The following INPP5E variants were observed in gnomAD, a reference collection of about 807,000 sequenced individuals.
The protein encoded by INPP5E is inositol polyphosphate-5-phosphatase E, also known as phosphatidylinositol polyphosphate 5-phosphatase type IV.
A neutral mutation model predicts 50.5 loss-of-function variants in INPP5E; 34 were observed. That is an observed-to-expected ratio of 0.67 (90% CI 0.51 to 0.90). The LOEUF is 0.90. INPP5E is among the 40% of genes least tolerant of loss of function. INPP5E has a pLI of 0.00. For synonymous variants in INPP5E, 447 were observed against 406.0 expected (o/e 1.10, Z -1.21); for missense variants, 942 against 905.5 (o/e 1.04, Z -0.52).
rs750641489 is a variant in INPP5E at position 136,434,782 on chromosome 9, GT to G, written c.893del (p.Asn298ThrfsTer96). The G allele has an allele frequency of 6.4e-7, 1 of 1,566,166 alleles. No homozygotes were observed. The highest frequency in any genetic ancestry group is 1.4e-5 in the African/African-American group (1 of 73,154). ...TCCAGGTGGCCACGAAGAGTGCCAC[GT>G]TCCGGTCTGGGAAGTAGCGGGCCAG... Reference protein sequence around the residue: ...DELARYFPDRNVALFVATWNM... With the variant: ...DELARYFPDRXVALFVATWNM... On this transcript the variant is annotated frameshift_variant, in exon 2 of 10. Transcript: ENST00000371712. LOFTEE classifies it high-confidence loss of function.
At position 136,434,847 on chromosome 9, in the gene INPP5E, TGCC is replaced by T; in HGVS notation, c.826_828del (p.Gly276del). 1 of 1,609,580 alleles carries T rather than the reference TGCC, an allele frequency of 6.2e-7. No individual in the cohort carries two copies. The highest frequency in any genetic ancestry group is 1.1e-5 in the South Asian group (1 of 90,304). On this transcript the variant is annotated inframe_deletion, in exon 2 of 10. Coordinates refer to ENST00000371712, the MANE Select transcript of INPP5E (RefSeq NM_019892.6). ...AACAGGGCCCCGCTGGCCAGGAGGCTGCCCTCCAGGTAACTCCTGTGACGGGAG... is the reference window on the plus strand; with the variant it reads ...AACAGGGCCCCGCTGGCCAGGAGGCTCTCCAGGTAACTCCTGTGACGGGAG...
At chr9:136,432,798 G>A (rs1359289150) in intron 5 of INPP5E, among the ~76,000 whole-genome samples, 158 bp downstream of exon 5, 1 of 152,202 alleles carries the variant, frequency 6.6e-6, no homozygotes, top group Non-Finnish European at 1.5e-5. Context: ...GGTCTGCCGG[G>A]GGTCCTTGGC....
In INPP5E at chr9:136,434,670, G is replaced by A. The variant is rs531539383; in HGVS notation, c.936+70C>T. ...CCAGGATGAGGCACAGAGCTGCCCC[G>A]TCCCCCTCACCCGCCTTTGTCCAGC... is the stretch of plus-strand genomic sequence containing the variant. On this transcript the variant is annotated intron_variant, in intron 2 of 9. Transcript: ENST00000371712. 2.7e-4 allele frequency: 413 copies of A among 1,546,066 alleles called. 1 individual carries two copies. Among genetic ancestry groups the A allele is most frequent in the South Asian group, 8.6e-4 (72 of 84,148 alleles).
Position 136,429,260 on chromosome 9 carries a change from CAGAT to C in INPP5E, c.*411_*414del. 1 of 323,588 alleles carries C rather than the reference CAGAT, an allele frequency of 3.1e-6. No homozygotes were observed. Among genetic ancestry groups the C allele is most frequent in the Non-Finnish European group, 6.1e-6 (1 of 164,554 alleles). The allele number at this position is 323,588 out of a possible 1,614,324, so 20.0% of individuals were successfully genotyped here. On this transcript the variant is annotated 3_prime_UTR_variant, in exon 10 of 10. Coordinates refer to ENST00000371712, the MANE Select transcript of INPP5E (RefSeq NM_019892.6). ...TGTTTGAGGGGCTGCCAGGAGGACA[CAGAT>C]GGACGCCTGCTTCGGGTGTGGAGGG... is the stretch of plus-strand genomic sequence containing the variant.
intron 8 of INPP5E, among the ~76,000 whole-genome samples, chr9:136,430,672 T>C (rs1835678882): frequency 6.6e-6 from 1 of 152,112 alleles, no homozygotes; most frequent in African/African-American, 2.4e-5. Context: ...CCAGCAGATA[T>C]CCAGATATCG....
chr9:136,439,192 G>C lies in INPP5E; in HGVS notation c.228C>G (p.Ala76=), dbSNP rs1311827138. 1 of 1,547,000 alleles carries C rather than the reference G, an allele frequency of 6.5e-7. No homozygotes were observed. The highest frequency in any genetic ancestry group is 2.4e-5 in the East Asian group (1 of 41,628). The change falls in exon 1 of 10, where the codon GCC becomes GCG. Residue 76 remains alanine, a synonymous_variant. Transcript: ENST00000371712. ...ACAGGGCTCGCTCCAGTCGAGGCCT[G>C]GCGGGGGGCCGCGGGGCGATGGGTG... The part of the protein sequence containing the change: ...RAAPIAPRPP[A]RPRLERALSL...
At position 136,432,971 on chromosome 9, in the gene INPP5E, T is replaced by C. The variant is rs1356146470; in HGVS notation, c.1264A>G (p.Thr422Ala). ...TFFGTSFLFI[T>A]SHFTSGDGKV... ...AGCAACTTACAGGTGAAGTGGGACGTGATGAAGAGGAAGGAAGTGCCAAAA... is the reference window on the plus strand; with the variant it reads ...AGCAACTTACAGGTGAAGTGGGACGCGATGAAGAGGAAGGAAGTGCCAAAA... Residue 422 changes from threonine (T) to alanine (A), a missense_variant, in exon 5 of 10, where the codon ACG becomes GCG. Coordinates refer to ENST00000371712, the MANE Select transcript of INPP5E (RefSeq NM_019892.6). 1.2e-6 allele frequency: 2 copies of C among 1,613,200 alleles called. No individual in the cohort carries two copies. Among genetic ancestry groups the C allele is most frequent in the Non-Finnish European group, 1.7e-6 (2 of 1,179,766 alleles).
Position 136,439,665 on chromosome 9 carries a change from A to G in INPP5E, c.-246T>C, listed in dbSNP as rs1223410310. 3.4e-5 allele frequency: 11 copies of G among 327,734 alleles called. No individual in the cohort carries two copies. The highest frequency in any genetic ancestry group is 2.5e-4 in the Admixed American group (5 of 20,300). 20.3% of individuals were successfully genotyped at this position (327,734 alleles called of 1,614,324 possible). On this transcript the variant is annotated 5_prime_UTR_variant, in exon 1 of 10. Transcript: ENST00000371712. Reference sequence around the variant, plus strand: ...GTCCGCAGGCAAGGCCTGGGGGAACAGGCGGCTGGGCGCCTGTCGCGGGGG... The same window carrying G: ...GTCCGCAGGCAAGGCCTGGGGGAACGGGCGGCTGGGCGCCTGTCGCGGGGG...
At chr9:136,432,129 C>T (rs1244981069) in intron 6 of INPP5E, 144 bp from the exon 7 acceptor site, 12 of 1,000,224 alleles carry the variant, frequency 1.2e-5, no homozygotes, top group Non-Finnish European at 1.5e-5. Flanking sequence ...GGGTGGGATT[C>T]GCACTGGGAC....
intron 1 of INPP5E, chr9:136,438,289 G>A (rs928747282): frequency 7.8e-5 from 36 of 463,690 alleles, no homozygotes; most frequent in Non-Finnish European, 1.3e-4. Context: ...AACCAAAGGG[G>A]CGGATCGTAT....
intron 1 of INPP5E, 106 bp downstream of exon 1, chr9:136,438,502 T>C: frequency 2.0e-6 from 2 of 1,006,366 alleles, no homozygotes; most frequent in Non-Finnish European, 3.0e-6. Flanking sequence ...TTCTTTCCGG[T>C]TAGGCATCTT....
In INPP5E at chr9:136,430,331, T is replaced by C. The variant is rs751316714; in HGVS notation, c.1748A>G (p.Asp583Gly). ...YSSCPGIKTS[D>G]HRPVYGLFRV... is the part of the protein sequence containing the mutation. Reference sequence around the variant, plus strand: ...GAAGAGGCCATACACAGGGCGGTGGTCGGACGTCTTGATCCCGGGGCAGGA... The same window carrying C: ...GAAGAGGCCATACACAGGGCGGTGGCCGGACGTCTTGATCCCGGGGCAGGA... The change falls in exon 9 of 10, where the codon GAC (aspartate) becomes GGC (glycine). Residue 583 changes from aspartate to glycine, a missense_variant. Coordinates refer to ENST00000371712, the MANE Select transcript of INPP5E (RefSeq NM_019892.6). 1.9e-6 allele frequency: 3 copies of C among 1,552,588 alleles called. No individual in the cohort carries two copies. The South Asian group carries it at 3.6e-5, about 18-fold the overall frequency.
rs114937687 is a variant in INPP5E at position 136,433,146 on chromosome 9, C to T, written c.1159+9G>A. The T allele has an allele frequency of 1.2e-4, 189 of 1,608,100 alleles. 1 individual carries two copies. The African/African-American group carries it at 1.6e-3, about 14-fold the overall frequency. ...TTCCAGCCGCGCCCACCCCTCCAGC[C>T]GCGCCCACCTGAGCAGAACCAGATG... On this transcript the variant is annotated intron_variant, in intron 4 of 9. Coordinates refer to ENST00000371712, the MANE Select transcript of INPP5E (RefSeq NM_019892.6).
chr9:136,432,316 C>T (rs973335079), intron 6 of INPP5E, among the ~76,000 whole-genome samples, 163 bp downstream of exon 6: 3 of 152,216 alleles, frequency 2.0e-5, no homozygotes, highest in East Asian at 1.9e-4. Flanking sequence ...CCCCACTAAC[C>T]GTGCTAAAGA....
At position 136,429,385 on chromosome 9, in the gene INPP5E, A is replaced by C. The variant is rs1588830218; in HGVS notation, c.*290T>G. On this transcript the variant is annotated 3_prime_UTR_variant, in exon 10 of 10. Coordinates refer to ENST00000371712, the MANE Select transcript of INPP5E (RefSeq NM_019892.6). Reference sequence around the variant, plus strand: ...GAACGGATTCTGACGTCTGCCCCCGAGAGTGGCTGGGGTCCGTGGTGCTGC... The same window carrying C: ...GAACGGATTCTGACGTCTGCCCCCGCGAGTGGCTGGGGTCCGTGGTGCTGC... The C allele has an allele frequency of 1.9e-6, 1 of 522,490 alleles. No individual in the cohort carries two copies. The highest frequency in any genetic ancestry group is 3.2e-5 in the Admixed American group (1 of 31,682). The allele number at this position is 522,490 out of a possible 1,614,324, so 32.4% of individuals were successfully genotyped here. A position where few individuals can be genotyped will look rare whatever the true frequency, so the allele number is the denominator to read the frequency against.
rs374083402 is a variant in INPP5E at position 136,431,895 on chromosome 9, A to G, written c.1478T>C (p.Leu493Pro). 3.7e-6 allele frequency: 6 copies of G among 1,609,216 alleles called. No homozygotes were observed. Among genetic ancestry groups the G allele is most frequent in the Admixed American group, 1.7e-5 (1 of 59,774 alleles). The change falls in exon 7 of 10, where the codon CTG (leucine) becomes CCG (proline). Residue 493 changes from leucine to proline, a missense_variant. Transcript: ENST00000371712. The part of the protein sequence containing the change: ...SGGRTVVDAL[L>P]CQGLVVDVPA... ...CACGTCCACCACCAGGCCCTGGCAC[A>G]GGAGGGCGTCCACGACTGTGCGCCC...
At position 136,439,446 on chromosome 9, in the gene INPP5E, G is replaced by A. The variant is rs1045719066; in HGVS notation, c.-27C>T. On this transcript the variant is annotated 5_prime_UTR_variant, in exon 1 of 10. Transcript: ENST00000371712. ...GACGGTCTCTCCCGGGGCAGGCCTC[G>A]GCGCGAGGCCGCAGGCAGCGCGAGG... 9 of 1,426,346 alleles carry A rather than the reference G, an allele frequency of 6.3e-6. No individual in the cohort carries two copies. In the African/African-American group the frequency reaches 1.3e-4, roughly 21 times the overall value. 88.4% of individuals were successfully genotyped at this position (1,426,346 alleles called of 1,614,324 possible).
chr9:136,438,810 C>T lies in INPP5E; in HGVS notation c.610G>A (p.Asp204Asn), dbSNP rs768542252. The T allele has an allele frequency of 1.2e-6, 2 of 1,612,008 alleles. No homozygotes were observed. Among genetic ancestry groups the T allele is most frequent in the South Asian group, 2.2e-5 (2 of 91,022 alleles). The change falls in exon 1 of 10, where the codon GAC (aspartate) becomes AAC (asparagine). Residue 204 changes from aspartate to asparagine, a missense_variant. Physicochemically the swap from Asp to Asn is conservative, Grantham distance 23. Transcript: ENST00000371712. ...ACCTTGTTTGCTGTCCTCAGGGAGT[C>T]GGAGGCGATGTCCAGGCTCAGGGCA... ...PPALSLDIASDSLRTANKVDS... is the reference protein window; with the variant it reads ...PPALSLDIASNSLRTANKVDS...
In INPP5E at chr9:136,433,035, CT is replaced by C; in HGVS notation, c.1199del (p.Gln400ArgfsTer83). The C allele has an allele frequency of 6.2e-7, 1 of 1,613,596 alleles. No homozygotes were observed. ...CSTVTTRIVS[Q>X]IKTKGALGIS... ...TGCCCAAGGCCCCCTTGGTCTTGATCTGAGACACGATGCGTGTGGTCACCGT... is the reference window on the plus strand; with the variant it reads ...TGCCCAAGGCCCCCTTGGTCTTGATCGAGACACGATGCGTGTGGTCACCGT... On this transcript the variant is annotated frameshift_variant, in exon 5 of 10. Transcript: ENST00000371712. LOFTEE classifies it high-confidence loss of function.
Sources: allele counts gnomAD v4.1 joint callset (sites outside exome capture counted in the v4.1 genomes callset), GRCh38; gene constraint gnomAD v4.1.1; transcripts MANE v1.5; gene names NCBI Gene and HGNC (gene_info 2026-07-23, HGNC 2026-07-21).